Variants in ATXN10 observed in about 807,000 individuals in gnomAD.
ATXN10 encodes the protein ataxin-10.
A neutral mutation model predicts 52.9 loss-of-function variants in ATXN10; 28 were observed. The observed-to-expected ratio is 0.53, with a 90% CI of 0.39 to 0.73. The LOEUF (loss-of-function observed/expected upper bound fraction) is 0.73. Ranked by LOEUF, ATXN10 falls within the 30% of genes least tolerant of loss-of-function variation. The pLI, the probability that ATXN10 is intolerant of heterozygous loss-of-function variation, is 0.00. For missense variants in ATXN10, 565 were observed against 577.0 expected (o/e 0.98, Z 0.21); for synonymous variants, 226 against 221.5 (o/e 1.02, Z -0.18).
At chr22:45,767,137 A>G (rs995354025) in intron 9 of ATXN10, among the ~76,000 whole-genome samples, 8 of 152,358 alleles carry the variant, frequency 5.3e-5, no homozygotes, top group African/African-American at 1.9e-4. Flanking sequence ...ACTAGAAACT[A>G]GTTCAAGACC....
intron 5 of ATXN10, among the ~76,000 whole-genome samples, chr22:45,711,664 G>A (rs568844897): frequency 6.6e-4 from 100 of 152,082 alleles, no homozygotes; most frequent in East Asian, 5.8e-4. Context: ...GTAAAACTGC[G>A]TGTGCATCTA....
Position 45,672,006 on chromosome 22 carries a change from C to A in ATXN10, c.-58C>A. ...CTCCTCCCTCCTCGTCATCCTCCCC[C>A]TTCGTCCTCCTCGCCTTCCTCCTCC... On this transcript the variant is annotated 5_prime_UTR_variant, in exon 1 of 12. Coordinates refer to ENST00000252934, the MANE Select transcript of ATXN10 (RefSeq NM_013236.4). 1.3e-6 allele frequency: 2 copies of A among 1,521,218 alleles called. No individual in the cohort carries two copies. Among genetic ancestry groups the A allele is most frequent in the South Asian group, 1.2e-5 (1 of 83,116 alleles). The allele number at this position is 1,521,218 out of a possible 1,614,324, so 94.2% of individuals were successfully genotyped here. A position where few individuals can be genotyped will look rare whatever the true frequency, so the allele number is the denominator to read the frequency against.
chr22:45,805,604 G>A lies in ATXN10; in HGVS notation c.1174-1355G>A, dbSNP rs921530148. Among the ~76,000 whole-genome samples the A allele has an allele frequency of 2.6e-5, 4 of 152,138 alleles. No individual in the cohort carries two copies. Among genetic ancestry groups the A allele is most frequent in the Non-Finnish European group, 5.9e-5 (4 of 68,028 alleles). ...AGCCAGGTTCAAAAGGCTACATGTCGTTCAGATTTTCTGACTCCGTTATAG... is the reference window on the plus strand; with the variant it reads ...AGCCAGGTTCAAAAGGCTACATGTCATTCAGATTTTCTGACTCCGTTATAG... On this transcript the variant is annotated intron_variant, in intron 9 of 11. Transcript: ENST00000252934. This position sits in a 1 kb window ranked among gnomAD's most constrained non-coding sequence, Gnocchi z 4.4.
intron 9 of ATXN10, among the ~76,000 whole-genome samples, chr22:45,756,171 G>C (rs1926168435): frequency 6.6e-6 from 1 of 152,022 alleles, no homozygotes; most frequent in Non-Finnish European, 1.5e-5. Flanking sequence ...AAAGAGACAA[G>C]GTTGTGCTTT....
In ATXN10 at chr22:45,688,455, C is replaced by T. The variant is rs146658570; in HGVS notation, c.117-1257C>T. Among the ~76,000 whole-genome samples the T allele has an allele frequency of 1.3e-4, 20 of 152,270 alleles. No individual in the cohort carries two copies. The highest frequency in any genetic ancestry group is 4.8e-4 in the African/African-American group (20 of 41,552). ...TTTGGGTCATAAATTTGACTCCAGA[C>T]TTAAGAAAGGCCCCGACAGAGAGAA... On this transcript the variant is annotated intron_variant, in intron 1 of 11. Coordinates refer to ENST00000252934, the MANE Select transcript of ATXN10 (RefSeq NM_013236.4). The surrounding 1 kb of genome is among the most constrained non-coding windows in gnomAD (Gnocchi z 4.0).
chr22:45,718,861 C>T lies in ATXN10; in HGVS notation c.728+368C>T, dbSNP rs181474881. ...GTCATGGGTGTTATTATTTGTGATA[C>T]ACTCTGCTAGGTTTGTAGGTTTCTA... On this transcript the variant is annotated intron_variant, in intron 6 of 11. Transcript: ENST00000252934. The surrounding 1 kb of genome is among the most constrained non-coding windows in gnomAD (Gnocchi z 4.4). 6.6e-6 allele frequency among the ~76,000 whole-genome samples: 1 copy of T among 152,206 alleles called. No homozygotes were observed. Among genetic ancestry groups the T allele is most frequent in the African/African-American group, 2.4e-5 (1 of 41,518 alleles).
rs1368355760 is a variant in ATXN10 at position 45,794,153 on chromosome 22, T to G, written c.1174-12806T>G. ...GACATGACATATTGGTGGGTATGTC[T>G]TATAGAAAATGGCTTCCACCCCTGA... On this transcript the variant is annotated intron_variant, in intron 9 of 11. Coordinates refer to ENST00000252934, the MANE Select transcript of ATXN10 (RefSeq NM_013236.4). Among the ~76,000 whole-genome samples, 3 of 152,306 alleles carry G rather than the reference T, an allele frequency of 2.0e-5. No homozygotes were observed. The East Asian group carries it at 5.8e-4, about 29-fold the overall frequency.
intron 5 of ATXN10, among the ~76,000 whole-genome samples, chr22:45,706,396 A>G (rs1924043157): frequency 6.6e-6 from 1 of 151,562 alleles, no homozygotes; most frequent in Non-Finnish European, 1.5e-5. Flanking sequence ...TCTCTATTTC[A>G]TTTCTTTTTG....
rs1247627935 is a variant in ATXN10, at chr22:45,684,077, A to G, written c.117-5635A>G. On this transcript the variant is annotated intron_variant, in intron 1 of 11. Transcript: ENST00000252934. The surrounding 1 kb of genome is among the most constrained non-coding windows in gnomAD (Gnocchi z 4.1). Reference sequence around the variant, plus strand: ...AGCAGTCCTTCTGCATCAGGCTCCCAAGTAGCTGGGACTACGAGGCACAGA... The same window carrying G: ...AGCAGTCCTTCTGCATCAGGCTCCCGAGTAGCTGGGACTACGAGGCACAGA... Among the ~76,000 whole-genome samples the G allele has an allele frequency of 1.3e-5, 2 of 152,006 alleles. No individual in the cohort carries two copies. Among genetic ancestry groups the G allele is most frequent in the Non-Finnish European group, 2.9e-5 (2 of 68,004 alleles).
At chr22:45,685,947 A>G (rs944511506) in intron 1 of ATXN10, among the ~76,000 whole-genome samples, 5 of 152,236 alleles carry the variant, frequency 3.3e-5, no homozygotes, top group Admixed American at 6.5e-5. Flanking sequence ...CAGACCCTCA[A>G]GCTTATCCAC....
chr22:45,838,939 A>G (rs1033796302), intron 10 of ATXN10, among the ~76,000 whole-genome samples: 2 of 152,244 alleles, frequency 1.3e-5, no homozygotes, highest in South Asian at 4.1e-4. Context: ...TGATTTACAG[A>G]TAGACAACAC....
At chr22:45,777,730 G>A (rs768584462) in intron 9 of ATXN10, among the ~76,000 whole-genome samples, 8 of 152,324 alleles carry the variant, frequency 5.3e-5, no homozygotes, top group Admixed American at 1.3e-4. Flanking sequence ...GCACTTGCAC[G>A]CACCCCTCCG....
rs1040954995 is a variant in ATXN10 at position 45,826,193 on chromosome 22, G to A, written c.1238-16798G>A. The stretch of plus-strand genomic sequence containing the variant: ...ATACCTGAAATAAATTTACTAGAAG[G>A]ATTCGAAGACAGATTTGAGCAGGGA... On this transcript the variant is annotated intron_variant, in intron 10 of 11. Transcript: ENST00000252934. This position sits in a 1 kb window ranked among gnomAD's most constrained non-coding sequence, Gnocchi z 5.0. Among the ~76,000 whole-genome samples, 1 of 152,126 alleles carries A rather than the reference G, an allele frequency of 6.6e-6. No homozygotes were observed. Among genetic ancestry groups the A allele is most frequent in the Non-Finnish European group, 1.5e-5 (1 of 68,034 alleles).
intron 1 of ATXN10, chr22:45,679,667 C>G (rs1368994292): frequency 4.6e-5 from 7 of 152,226 alleles, no homozygotes; most frequent in Non-Finnish European, 7.3e-5. Context: ...GGCGTTTTGA[C>G]TCAACCATGA....
chr22:45,786,747 C>T lies in ATXN10; in HGVS notation c.1174-20212C>T, dbSNP rs1402484722. Among the ~76,000 whole-genome samples, 2 of 152,130 alleles carry T rather than the reference C, an allele frequency of 1.3e-5. No homozygotes were observed. Among genetic ancestry groups the T allele is most frequent in the Non-Finnish European group, 2.9e-5 (2 of 68,008 alleles). The stretch of plus-strand genomic sequence containing the variant: ...GCCCCAAAGAACATTTTTTACCTAT[C>T]AAAAAAGCAACTTTAAAAATCTGCA... On this transcript the variant is annotated intron_variant, in intron 9 of 11. Transcript: ENST00000252934. This position sits in a 1 kb window ranked among gnomAD's most constrained non-coding sequence, Gnocchi z 4.1.
At position 45,727,331 on chromosome 22, in the gene ATXN10, A is replaced by ATATATATC. The variant is rs1924913830; in HGVS notation, c.729-2091_729-2090insATATCTAT. ...GTTCTGTCTGTCTGTCTATCTATCT[A>ATATATATC]TATCTATCTATCTATCTATCTATCT... is the stretch of plus-strand genomic sequence containing the variant. On this transcript the variant is annotated intron_variant, in intron 6 of 11. Transcript: ENST00000252934. The surrounding 1 kb of genome is among the most constrained non-coding windows in gnomAD (Gnocchi z 4.6). 6.8e-6 allele frequency among the ~76,000 whole-genome samples: 1 copy of ATATATATC among 146,678 alleles called. No homozygotes were observed. The highest frequency in any genetic ancestry group is 1.5e-5 in the Non-Finnish European group (1 of 66,928).
rs1922752034 is a variant in ATXN10, at chr22:45,677,589, T to G, written c.116+5410T>G. On this transcript the variant is annotated intron_variant, in intron 1 of 11. Transcript: ENST00000252934. The surrounding 1 kb of genome is among the most constrained non-coding windows in gnomAD (Gnocchi z 4.1). ...AAATATATATGATAAAGAAGTTGTT[T>G]CAGAATATATGAAGTACTCCTACCT... 1 of 151,114 alleles carries G rather than the reference T, an allele frequency of 6.6e-6. No homozygotes were observed. Among genetic ancestry groups the G allele is most frequent in the African/African-American group, 2.4e-5 (1 of 41,164 alleles). 9.4% of individuals were successfully genotyped at this position (151,114 alleles called of 1,614,324 possible).
chr22:45,792,406 C>T (rs961799788), intron 9 of ATXN10: 2 of 152,528 alleles, frequency 1.3e-5, no homozygotes, highest in African/African-American at 4.8e-5. Context: ...TAGTAGTGAG[C>T]TCTCTAGCTT....
At position 45,688,982 on chromosome 22, in the gene ATXN10, C is replaced by T. The variant is rs1923259645; in HGVS notation, c.117-730C>T. On this transcript the variant is annotated intron_variant, in intron 1 of 11. Coordinates refer to ENST00000252934, the MANE Select transcript of ATXN10 (RefSeq NM_013236.4). The surrounding 1 kb of genome is among the most constrained non-coding windows in gnomAD (Gnocchi z 4.0). ...GGCAGTACTCCTGGCATGAGAGGCA[C>T]GCAGAGACTGAGATGCCCAGAGGGT... Among the ~76,000 whole-genome samples, 1 of 152,120 alleles carries T rather than the reference C, an allele frequency of 6.6e-6. No homozygotes were observed. Among genetic ancestry groups the T allele is most frequent in the African/African-American group, 2.4e-5 (1 of 41,414 alleles).
Sources: allele counts gnomAD v4.1 joint callset (sites outside exome capture counted in the v4.1 genomes callset), GRCh38; gene constraint gnomAD v4.1.1; non-coding constraint Gnocchi (gnomAD v3.1); transcripts MANE v1.5; gene names NCBI Gene and HGNC (gene_info 2026-07-23, HGNC 2026-07-21).